PIGL: variants seen among roughly 807,000 people sequenced by gnomAD.
The protein encoded by PIGL is N-acetylglucosaminyl-phosphatidylinositol de-N-acetylase.
Under a neutral mutation model 31.1 loss-of-function variants are expected in PIGL, and 22 were observed. The observed-to-expected ratio is 0.71, with a 90% CI of 0.51 to 1.01. The LOEUF is 1.01. PIGL is among the 50% of genes least tolerant of loss of function. PIGL has a pLI of 0.00. For missense variants in PIGL, 302 were observed against 315.9 expected (o/e 0.96, Z 0.33); for synonymous variants, 131 against 117.4 (o/e 1.12, Z -0.75).
intron 2 of PIGL, among the ~76,000 whole-genome samples, chr17:16,252,023 A>G (rs543239783): frequency 6.6e-6 from 1 of 151,990 alleles, no homozygotes; most frequent in African/African-American, 2.4e-5. Flanking sequence ...TATTTAGAAA[A>G]ACAAAAACAC....
At chr17:16,262,035 C>A (rs1410926065) in intron 2 of PIGL, among the ~76,000 whole-genome samples, 1 of 151,932 alleles carries the variant, frequency 6.6e-6, no homozygotes, top group African/African-American at 2.4e-5. Flanking sequence ...CCAGCCTGGT[C>A]GACATGGTGA....
At chr17:16,247,889 C>T in intron 2 of PIGL, among the ~76,000 whole-genome samples, 1 of 149,954 alleles carries the variant, frequency 6.7e-6, no homozygotes, top group East Asian at 2.0e-4. Context: ...AGCTTTCTCT[C>T]TTTTTTTTTT....
intron 2 of PIGL, among the ~76,000 whole-genome samples, chr17:16,264,907 G>A (rs562079955): frequency 2.0e-5 from 3 of 152,296 alleles, no homozygotes; most frequent in East Asian, 1.9e-4. Context: ...GATTACAGGC[G>A]TGAGCCACCG....
intron 1 of PIGL, among the ~76,000 whole-genome samples, chr17:16,233,364 G>A (rs990208202): frequency 2.0e-5 from 3 of 152,082 alleles, no homozygotes; most frequent in African/African-American, 7.2e-5. Flanking sequence ...TATGTTTTGG[G>A]AAAATAAAGA....
chr17:16,268,757 G>A (rs1450100654), intron 2 of PIGL, among the ~76,000 whole-genome samples: 2 of 150,560 alleles, frequency 1.3e-5, no homozygotes, highest in Non-Finnish European at 3.0e-5. Flanking sequence ...GCGTTTTTTT[G>A]TTGTTCTTGT....
At chr17:16,241,114 C>CAAAAAA (rs35578509) in intron 2 of PIGL, among the ~76,000 whole-genome samples, 5 of 52,976 alleles carry the variant, frequency 9.4e-5, no homozygotes, top group Non-Finnish European at 1.0e-4. Context: ...AACTCCCTCT[C>CAAAAAA]AAAAAAAAAA....
intron 3 of PIGL, among the ~76,000 whole-genome samples, chr17:16,312,085 G>A (rs1384628898): frequency 1.4e-5 from 2 of 147,320 alleles, no homozygotes; most frequent in Non-Finnish European, 3.0e-5. Context: ...CCGGGTGGGG[G>A]CTGCCCCCCC....
intron 2 of PIGL, among the ~76,000 whole-genome samples, chr17:16,239,462 G>A (rs750384034): frequency 2.0e-5 from 3 of 151,226 alleles, no homozygotes; most frequent in Non-Finnish European, 2.9e-5. Context: ...CAGCCTGGGT[G>A]ACAGAGTGAG....
At chr17:16,310,726 G>A (rs997716882) in intron 3 of PIGL, among the ~76,000 whole-genome samples, 2 of 152,236 alleles carry the variant, frequency 1.3e-5, no homozygotes, top group African/African-American at 4.8e-5. Context: ...TAGTAGAGAG[G>A]GTTTCGCCAT....
intron 2 of PIGL, among the ~76,000 whole-genome samples, chr17:16,277,152 T>C (rs1600813206): frequency 1.3e-5 from 2 of 152,276 alleles, no homozygotes; most frequent in South Asian, 2.1e-4. Context: ...ACGTAGACAA[T>C]GTATGAGGCC....
chr17:16,225,412 G>A (rs1221121709), intron 1 of PIGL, among the ~76,000 whole-genome samples: 3 of 124,232 alleles, frequency 2.4e-5, no homozygotes, highest in Non-Finnish European at 4.8e-5. Flanking sequence ...TTTTTGATAC[G>A]GAGTCTAGCT....
intron 1 of PIGL, among the ~76,000 whole-genome samples, chr17:16,232,258 A>G (rs976833168): frequency 3.3e-5 from 5 of 152,170 alleles, no homozygotes; most frequent in South Asian, 2.1e-4. Context: ...AGCCTGGGCA[A>G]CAAGAGCAAA....
At chr17:16,293,429 G>A (rs1037374030) in intron 2 of PIGL, among the ~76,000 whole-genome samples, 2 of 152,246 alleles carry the variant, frequency 1.3e-5, no homozygotes, top group African/African-American at 4.8e-5. Context: ...TCGGGTGGCT[G>A]AGGCAGGAGA....
At chr17:16,228,394 TA>T (rs769919025) in intron 1 of PIGL, among the ~76,000 whole-genome samples, 1 of 151,996 alleles carries the variant, frequency 6.6e-6, no homozygotes, top group Non-Finnish European at 1.5e-5. Flanking sequence ...TATTTTATTT[TA>T]TTTTTTTGAG....
intron 2 of PIGL, among the ~76,000 whole-genome samples, chr17:16,283,429 C>G (rs1279224058): frequency 6.6e-6 from 1 of 152,250 alleles, no homozygotes; most frequent in Middle Eastern, 3.4e-3. Flanking sequence ...GTTTGCACCA[C>G]TGCACTCCAG....
At chr17:16,284,666 C>A (rs2092930079) in intron 2 of PIGL, among the ~76,000 whole-genome samples, 1 of 152,138 alleles carries the variant, frequency 6.6e-6, no homozygotes, top group Non-Finnish European at 1.5e-5. Context: ...TGACTTAGCA[C>A]ACGAGGACAG....
chr17:16,274,056 A>G (rs777340326), intron 2 of PIGL, among the ~76,000 whole-genome samples: 3 of 152,194 alleles, frequency 2.0e-5, no homozygotes, highest in Non-Finnish European at 2.9e-5. Flanking sequence ...GCCCCAGATC[A>G]TCAGGGCTTC....
intron 1 of PIGL, among the ~76,000 whole-genome samples, chr17:16,228,733 T>A (rs1008923767): frequency 2.0e-5 from 3 of 152,340 alleles, no homozygotes; most frequent in African/African-American, 7.2e-5. Context: ...GTAAGCACTT[T>A]CATAGTATTA....
intron 2 of PIGL, among the ~76,000 whole-genome samples, chr17:16,235,059 G>T (rs987396518): frequency 2.0e-5 from 3 of 152,066 alleles, no homozygotes; most frequent in African/African-American, 7.2e-5. Flanking sequence ...ACATTTTAAA[G>T]AAAACTCCAA....
Sources: gnomAD v4.1 joint callset for allele counts (sites outside exome capture counted in the v4.1 genomes callset) on GRCh38, gnomAD v4.1.1 for gene constraint, MANE v1.5 for transcripts, NCBI Gene and HGNC (gene_info 2026-07-23, HGNC 2026-07-21) for gene names.